Variants in ERBB3 observed in about 807,000 individuals in gnomAD.
The protein encoded by ERBB3 is receptor tyrosine-protein kinase erbB-3.
Under a neutral mutation model 156.7 loss-of-function variants are expected in ERBB3, and 96 were observed. The observed-to-expected ratio is 0.61, with a 90% confidence interval of 0.52 to 0.73. The LOEUF (loss-of-function observed/expected upper bound fraction) is 0.73, where lower values mean the gene tolerates loss of function less well. ERBB3 is among the 30% of genes least tolerant of loss of function. The pLI is 0.00. For synonymous variants in ERBB3, 567 were observed against 632.0 expected (o/e 0.90, Z 1.54); for missense variants, 1,406 against 1,709.4 (o/e 0.82, Z 3.13).
At position 56,101,809 on chromosome 12, in the gene ERBB3, A is replaced by C; in HGVS notation, c.3783A>C (p.Glu1261Asp). The part of the protein sequence containing the change: ...TAGTTPDEDY[E>D]YMNRQRDGGG... Reference sequence around the variant, plus strand: ...GCACAACTCCAGATGAAGACTATGAATATATGAATCGGCAACGAGATGGAG... The same window carrying C: ...GCACAACTCCAGATGAAGACTATGACTATATGAATCGGCAACGAGATGGAG... Residue 1261 changes from glutamate to aspartate, a missense_variant, in exon 28 of 28, where the codon GAA becomes GAC. Coordinates refer to ENST00000267101, the MANE Select transcript of ERBB3 (RefSeq NM_001982.4). 1 of 1,613,266 alleles carries C rather than the reference A, an allele frequency of 6.2e-7. No individual in the cohort carries two copies. Among genetic ancestry groups the C allele is most frequent in the South Asian group, 1.1e-5 (1 of 91,016 alleles).
At chr12:56,096,368 C>G in intron 17 of ERBB3, 135 bp from the exon 18 acceptor site, 2 of 1,048,686 alleles carry the variant, frequency 1.9e-6, no homozygotes, top group South Asian at 2.6e-5. Context: ...GCCTATAATC[C>G]ATTCCAGGAC....
Position 56,094,163 on chromosome 12 carries a change from G to A in ERBB3, c.1678G>A (p.Glu560Lys). 7 of 1,614,114 alleles carry A rather than the reference G, an allele frequency of 4.3e-6. No individual in the cohort carries two copies. The highest frequency in any genetic ancestry group is 5.1e-6 in the Non-Finnish European group (6 of 1,180,006). ...FSCHPECQPMEGTATCNGSGS... is the reference protein window; with the variant it reads ...FSCHPECQPMKGTATCNGSGS... Reference sequence around the variant, plus strand: ...CTGCCACCCGGAATGCCAACCCATGGAGGGCACTGCCACATGCAATGGCTC... The same window carrying A: ...CTGCCACCCGGAATGCCAACCCATGAAGGGCACTGCCACATGCAATGGCTC... The change falls in exon 14 of 28, where the codon GAG (glutamate) becomes AAG (lysine). Residue 560 changes from glutamate to lysine, a missense_variant. Physicochemically the swap from Glu to Lys is moderately conservative, Grantham distance 56. Coordinates refer to ENST00000267101, the MANE Select transcript of ERBB3 (RefSeq NM_001982.4).
chr12:56,098,153 C>T (rs907794511), intron 21 of ERBB3: 7 of 593,430 alleles, frequency 1.2e-5, no homozygotes, highest in Non-Finnish European at 2.1e-5. Context: ...GCCTGTAATC[C>T]CAACACTTCG....
At position 56,096,819 on chromosome 12, in the gene ERBB3, A is replaced by C. The variant is rs780421722; in HGVS notation, c.2247A>C (p.Gly749=). The part of the protein sequence containing the change: ...VCIKVIEDKS[G]RQSFQAVTDH... ...TTAAAGTCATTGAGGACAAGAGTGG[A>C]CGGCAGAGTTTTCAAGCTGTGACAG... The change falls in exon 19 of 28, where the codon GGA becomes GGC. Residue 749 remains glycine, a synonymous_variant. Coordinates refer to ENST00000267101, the MANE Select transcript of ERBB3 (RefSeq NM_001982.4). The C allele has an allele frequency of 8.1e-6, 13 of 1,613,716 alleles. No homozygotes were observed.
Position 56,098,937 on chromosome 12 carries a change from CTTTTT to C in ERBB3, c.2839+35_2839+39del, listed in dbSNP as rs753713010. On this transcript the variant is annotated intron_variant, in intron 23 of 27. Transcript: ENST00000267101. ...TACCTGCTGAGCCCAACCATTTTCT[CTTTTT>C]TTCTTTTTTTTTCTTTTTTTTTTTT... 7.9e-6 allele frequency: 12 copies of C among 1,526,620 alleles called. 1 individual carries two copies. The African/African-American group carries it at 1.4e-4, about 18-fold the overall frequency. The allele number at this position is 1,526,620 out of a possible 1,614,324, so 94.6% of individuals were successfully genotyped here.
chr12:56,084,404 A>C (rs186627711), intron 2 of ERBB3, among the ~76,000 whole-genome samples: 2 of 152,228 alleles, frequency 1.3e-5, no homozygotes, highest in Non-Finnish European at 2.9e-5. Flanking sequence ...TGAGGTCAGG[A>C]GTTCAAGACC....
In ERBB3 at chr12:56,097,033, T is replaced by G. The variant is rs1301341611; in HGVS notation, c.2275-12T>G. Reference sequence around the variant, plus strand: ...TGTTGGTTTCCTAGATAATACCTTTTGTGTCTCTTAGCATATGCTGGCCAT... The same window carrying G: ...TGTTGGTTTCCTAGATAATACCTTTGGTGTCTCTTAGCATATGCTGGCCAT... On this transcript the variant is annotated splice_polypyrimidine_tract_variant and intron_variant, in intron 19 of 27. Coordinates refer to ENST00000267101, the MANE Select transcript of ERBB3 (RefSeq NM_001982.4). The G allele has an allele frequency of 6.2e-7, 1 of 1,613,732 alleles. No individual in the cohort carries two copies. Among genetic ancestry groups the G allele is most frequent in the Admixed American group, 1.7e-5 (1 of 60,016 alleles).
chr12:56,092,084 C>T, intron 9 of ERBB3, among the ~76,000 whole-genome samples: 1 of 135,672 alleles, frequency 7.4e-6, no homozygotes, highest in Non-Finnish European at 1.5e-5. Flanking sequence ...GAGACCCTGT[C>T]TCTTAAAAAA....
At chr12:56,081,564 G>C (rs76219216) in intron 1 of ERBB3, among the ~76,000 whole-genome samples, 4,130 of 152,292 alleles carry the variant, frequency 0.027, 101 homozygotes, top group Non-Finnish European at 0.047. Context: ...GGGGACTGGC[G>C]TGGGAGGGAG....
In ERBB3 at chr12:56,096,601, T is replaced by G. The variant is rs1868896221; in HGVS notation, c.2154T>G (p.Gly718=). Residue 718 remains glycine, a synonymous_variant, in exon 18 of 28, where the codon GGT becomes GGG. Transcript: ENST00000267101. ...ELRKLKVLGS[G]VFGTVHKGVW... ...GGAAGCTTAAAGTGCTTGGCTCGGG[T>G]GTCTTTGGAACTGTGCACAAAGTGA... 1 of 1,614,038 alleles carries G rather than the reference T, an allele frequency of 6.2e-7. No homozygotes were observed. Among genetic ancestry groups the G allele is most frequent in the Non-Finnish European group, 8.5e-7 (1 of 1,180,028 alleles).
intron 1 of ERBB3, among the ~76,000 whole-genome samples, chr12:56,082,942 G>A (rs894704154): frequency 6.6e-6 from 1 of 152,184 alleles, no homozygotes; most frequent in Non-Finnish European, 1.5e-5. Flanking sequence ...TCTAGGGCTG[G>A]AAAGTGATGC....
At chr12:56,086,063 C>CAAA (rs56926853) in intron 3 of ERBB3, among the ~76,000 whole-genome samples, 1 of 89,390 alleles carries the variant, frequency 1.1e-5, no homozygotes, top group African/African-American at 4.8e-5. Context: ...AGCGAGACTC[C>CAAA]AAAAAAAAAA....
intron 12 of ERBB3, 75 bp downstream of exon 12, chr12:56,093,625 A>G: frequency 6.4e-7 from 1 of 1,555,366 alleles, no homozygotes; most frequent in Non-Finnish European, 8.8e-7. Flanking sequence ...ATTCTGCCCT[A>G]GACGTGGGAG....
rs2136817676 is a variant in ERBB3 at position 56,096,775 on chromosome 12, A to T, written c.2203A>T (p.Ile735Phe). Reference sequence around the variant, plus strand: ...AGTGTGGATCCCTGAGGGTGAATCAATCAAGATTCCAGTCTGCATTAAAGT... The same window carrying T: ...AGTGTGGATCCCTGAGGGTGAATCATTCAAGATTCCAGTCTGCATTAAAGT... ...KGVWIPEGES[I>F]KIPVCIKVIE... Residue 735 changes from isoleucine to phenylalanine, a missense_variant, in exon 19 of 28, where the codon ATC becomes TTC. Ile to Phe is a conservative substitution (Grantham distance 21, BLOSUM62 0). Around this residue, in one of 3 missense-constraint regions of ERBB3, gnomAD observed 979 missense variants for 1,219.6 expected, o/e 0.80. Transcript: ENST00000267101. 6.2e-7 allele frequency: 1 copy of T among 1,613,936 alleles called. No homozygotes were observed. Among genetic ancestry groups the T allele is most frequent in the Non-Finnish European group, 8.5e-7 (1 of 1,179,932 alleles).
Position 56,093,396 on chromosome 12 carries a change from C to T in ERBB3, c.1326C>T (p.Gly442=), listed in dbSNP as rs200855296. The T allele has an allele frequency of 1.2e-5, 20 of 1,614,056 alleles. No individual in the cohort carries two copies. Among genetic ancestry groups the T allele is most frequent in the Non-Finnish European group, 1.7e-5 (20 of 1,179,986 alleles). The part of the protein sequence containing the change: ...IMKNLNVTSL[G]FRSLKEISAG... ...AGAACTTGAATGTCACATCTCTGGGCTTCCGATCCCTGAAGGAAATTAGTG... is the reference window on the plus strand; with the variant it reads ...AGAACTTGAATGTCACATCTCTGGGTTTCCGATCCCTGAAGGAAATTAGTG... Residue 442 remains glycine, a synonymous_variant, in exon 12 of 28, where the codon GGC becomes GGT. Coordinates refer to ENST00000267101, the MANE Select transcript of ERBB3 (RefSeq NM_001982.4).
At chr12:56,099,118 G>C (rs759571211) in intron 23 of ERBB3, 26 of 586,224 alleles carry the variant, frequency 4.4e-5, no homozygotes, top group South Asian at 2.1e-4. Context: ...GCCACACCTG[G>C]ATAACTGTTA....
At position 56,094,089 on chromosome 12, in the gene ERBB3, C is replaced by T. The variant is rs529431800; in HGVS notation, c.1614-10C>T. 190 of 1,611,034 alleles carry T rather than the reference C, an allele frequency of 1.2e-4. 1 individual carries two copies. The South Asian group carries it at 1.9e-3, about 16-fold the overall frequency. ...AAGTGACCCCCCCCTCCCTTTATTC[C>T]CCACTACAGGGAGCCTCGAGAATTT... is the stretch of plus-strand genomic sequence containing the variant. On this transcript the variant is annotated splice_polypyrimidine_tract_variant and intron_variant, in intron 13 of 27. Coordinates refer to ENST00000267101, the MANE Select transcript of ERBB3 (RefSeq NM_001982.4).
In ERBB3 at chr12:56,101,308, G is replaced by C. The variant is rs149495975; in HGVS notation, c.3449G>C (p.Gly1150Ala). 6.2e-7 allele frequency: 1 copy of C among 1,614,026 alleles called. No individual in the cohort carries two copies. The highest frequency in any genetic ancestry group is 8.5e-7 in the Non-Finnish European group (1 of 1,180,022). ...LTPVTPLSPP[G>A]LEEEDVNGYV... ...CCTGTTACCCCACTCTCCCCACCCG[G>C]GTTAGAGGAAGAGGATGTCAACGGT... The change falls in exon 27 of 28, where the codon GGG becomes GCG. Residue 1150 changes from glycine to alanine, a missense_variant. Coordinates refer to ENST00000267101, the MANE Select transcript of ERBB3 (RefSeq NM_001982.4).
At position 56,102,527 on chromosome 12, in the gene ERBB3, A is replaced by C; in HGVS notation, c.*472A>C. On this transcript the variant is annotated 3_prime_UTR_variant, in exon 28 of 28. Coordinates refer to ENST00000267101, the MANE Select transcript of ERBB3 (RefSeq NM_001982.4). ...GAAAGACAGAAGCTTAAAATCTGTG[A>C]AGAAAGAGGTTAGGAGTAGATATTG... The C allele has an allele frequency of 4.1e-6, 1 of 245,286 alleles. No homozygotes were observed. Among genetic ancestry groups the C allele is most frequent in the East Asian group, 5.9e-5 (1 of 16,958 alleles). The allele number at this position is 245,286 out of a possible 1,614,324, so 15.2% of individuals were successfully genotyped here.
Sources: allele counts gnomAD v4.1 joint callset (sites outside exome capture counted in the v4.1 genomes callset), GRCh38; gene constraint gnomAD v4.1.1; regional missense constraint gnomAD v4.1.1; transcripts MANE v1.5; gene names NCBI Gene and HGNC (gene_info 2026-07-23, HGNC 2026-07-21).